The following RBFOX1 variants were observed in gnomAD, a reference collection of about 807,000 sequenced individuals.
RBFOX1 encodes RNA binding fox-1 homolog 1.
RBFOX1 carries 8 observed loss-of-function variants against 57.7 expected under a neutral mutation model. The observed-to-expected ratio is 0.14, with a 90% confidence interval of 0.08 to 0.25. RBFOX1 has a LOEUF of 0.25. Among genes scored for constraint, RBFOX1 ranks in the 10% least tolerant of loss-of-function variants. The probability of loss-of-function intolerance (pLI) is 1.00; values close to 1 mark genes in which losing one functional copy is unlikely to be tolerated. For synonymous variants in RBFOX1, 326 were observed against 222.4 expected (o/e 1.47, Z -4.15); for missense variants, 611 against 548.5 (o/e 1.11, Z -1.14).
Position 5,499,457 on chromosome 16 carries a change from C to T in RBFOX1, c.258+32203C>T, listed in dbSNP as rs746664719. Among the ~76,000 whole-genome samples the T allele has an allele frequency of 3.9e-5, 6 of 152,334 alleles. No homozygotes were observed. The East Asian group carries it at 1.2e-3, about 29-fold the overall frequency. On this transcript the variant is annotated intron_variant, in intron 2 of 2. Coordinates refer to the RBFOX1 transcript ENST00000585867. ...ATCAACTCTTCACCCGTCCTTTCAG[C>T]CCCACTTGAGAGATGGACAAACAGA...
At chr16:6,463,795 G>C (rs759695640) in intron 2 of RBFOX1, among the ~76,000 whole-genome samples, 49 of 152,172 alleles carry the variant, frequency 3.2e-4, no homozygotes, top group Non-Finnish European at 6.3e-4. Context: ...AAAGCACACT[G>C]AATCACGTGC....
chr16:6,523,156 GT>G, intron 2 of RBFOX1, among the ~76,000 whole-genome samples: 1 of 152,114 alleles, frequency 6.6e-6, no homozygotes, highest in East Asian at 1.9e-4. Context: ...GTAGCATGGG[GT>G]GACTGTCTTT....
At chr16:5,753,934 C>T (rs1165191706) in intron 3 of RBFOX1, among the ~76,000 whole-genome samples, 2 of 152,198 alleles carry the variant, frequency 1.3e-5, no homozygotes, top group Non-Finnish European at 2.9e-5. Context: ...TGTCCATCCC[C>T]CACTCCTCTC....
intron 3 of RBFOX1, among the ~76,000 whole-genome samples, chr16:5,681,869 A>C (rs1333087496): frequency 6.6e-6 from 1 of 152,152 alleles, no homozygotes; most frequent in Non-Finnish European, 1.5e-5. Context: ...GACCTGGCTG[A>C]AGAAGAGTGA....
intron 1 of RBFOX1, among the ~76,000 whole-genome samples, chr16:6,214,697 G>T (rs1472418377): frequency 8.1e-6 from 1 of 123,740 alleles, no homozygotes; most frequent in Admixed American, 8.0e-5. Flanking sequence ...GAGAAGGAAA[G>T]GGGGAGAGGG....
chr16:6,241,199 T>G (rs2097538390), intron 1 of RBFOX1, among the ~76,000 whole-genome samples: 2 of 152,150 alleles, frequency 1.3e-5, no homozygotes, highest in African/African-American at 4.8e-5. Flanking sequence ...ATATGCAAAT[T>G]CCCGTTCAGA....
intron 3 of RBFOX1, among the ~76,000 whole-genome samples, chr16:5,658,822 A>G (rs1351941512): frequency 4.9e-5 from 7 of 143,936 alleles, no homozygotes; most frequent in Admixed American, 4.1e-4. Context: ...TATATAATAT[A>G]TGTATATATG....
At chr16:6,565,970 G>T (rs2097259901) in intron 2 of RBFOX1, among the ~76,000 whole-genome samples, 1 of 152,124 alleles carries the variant, frequency 6.6e-6, no homozygotes, top group East Asian at 1.9e-4. Context: ...TGTTCATCCT[G>T]CACTGGCTGG....
chr16:6,557,815 G>A (rs913694039), intron 2 of RBFOX1, among the ~76,000 whole-genome samples: 2 of 152,202 alleles, frequency 1.3e-5, no homozygotes, highest in Non-Finnish European at 2.9e-5. Context: ...CAGGACAAAT[G>A]TAGAGCTAAG....
At chr16:6,459,115 C>A (rs1007403310) in intron 2 of RBFOX1, among the ~76,000 whole-genome samples, 1 of 152,180 alleles carries the variant, frequency 6.6e-6, no homozygotes. Flanking sequence ...GTGGGTGGAT[C>A]CCGAGGTCAG....
chr16:7,672,928 A>C (rs1472400834), intron 13 of RBFOX1, among the ~76,000 whole-genome samples: 2 of 150,014 alleles, frequency 1.3e-5, no homozygotes. Context: ...TTTTCATTTT[A>C]AAATGTTCTT....
intron 5 of RBFOX1, among the ~76,000 whole-genome samples, chr16:7,538,016 G>C (rs960781697): frequency 6.6e-6 from 1 of 152,196 alleles, no homozygotes. Context: ...ACAGAGATGA[G>C]TCAGACATTG....
At chr16:7,172,225 C>G (rs2080839141) in intron 4 of RBFOX1, among the ~76,000 whole-genome samples, 1 of 152,106 alleles carries the variant, frequency 6.6e-6, no homozygotes, top group Non-Finnish European at 1.5e-5. Flanking sequence ...TACCTAAAAT[C>G]CACATACTCT....
intron 1 of RBFOX1, among the ~76,000 whole-genome samples, chr16:6,246,683 T>C (rs148089584): frequency 6.6e-6 from 1 of 152,206 alleles, no homozygotes; most frequent in Admixed American, 6.5e-5. Flanking sequence ...TGGAGGCAAG[T>C]GTCAGACTTT....
chr16:7,155,698 C>CAAAAAAA (rs1204208973), intron 4 of RBFOX1, among the ~76,000 whole-genome samples: 5 of 24,410 alleles, frequency 2.0e-4, no homozygotes, highest in African/African-American at 9.8e-4. Context: ...CTCCTCCCAC[C>CAAAAAAA]AAAAAAAAAA....
chr16:6,394,773 C>G (rs1008611943), intron 2 of RBFOX1, among the ~76,000 whole-genome samples: 1 of 152,084 alleles, frequency 6.6e-6, no homozygotes, highest in Non-Finnish European at 1.5e-5. Context: ...TCTACCAAAA[C>G]AGCTCAGCCA....
intron 2 of RBFOX1, among the ~76,000 whole-genome samples, chr16:6,538,655 G>C (rs1467482367): frequency 2.6e-5 from 4 of 152,166 alleles, no homozygotes; most frequent in Admixed American, 6.5e-5. Flanking sequence ...TTGCAGAATG[G>C]CACACCTGCT....
chr16:5,342,673 A>G (rs971340090), intron 1 of RBFOX1, among the ~76,000 whole-genome samples: 1 of 152,086 alleles, frequency 6.6e-6, no homozygotes, highest in Non-Finnish European at 1.5e-5. Flanking sequence ...CTGGTCTTAG[A>G]CTGCATTGTG....
At chr16:6,993,665 G>A (rs2091852357) in intron 3 of RBFOX1, among the ~76,000 whole-genome samples, 1 of 152,100 alleles carries the variant, frequency 6.6e-6, no homozygotes, top group African/African-American at 2.4e-5. Context: ...GCACTATTTA[G>A]CATTTGTGTG....
Sources: gnomAD v4.1 joint callset for allele counts (sites outside exome capture counted in the v4.1 genomes callset) on GRCh38, gnomAD v4.1.1 for gene constraint, MANE v1.5 for transcripts, NCBI Gene and HGNC (gene_info 2026-07-23, HGNC 2026-07-21) for gene names.